The following BABAM2 variants were observed in gnomAD, a reference collection of about 807,000 sequenced individuals.
BABAM2 encodes BRISC and BRCA1-A complex member 2.
BABAM2 carries 31 observed loss-of-function variants against 54.7 expected under a neutral mutation model. The observed-to-expected ratio is 0.57, with a 90% CI of 0.43 to 0.77. The LOEUF (loss-of-function observed/expected upper bound fraction) is 0.77, where lower values mean the gene tolerates loss of function less well. Ranked by LOEUF, BABAM2 falls within the 30% of genes least tolerant of loss-of-function variation. BABAM2 has a pLI of 0.00. For synonymous variants in BABAM2, 167 were observed against 162.9 expected, an observed-to-expected ratio of 1.03 and a Z score of -0.19; for missense variants, 364 against 455.8, an observed-to-expected ratio of 0.80 and a Z score of 1.83.
chr2:28,210,433 G>T (rs1284640989), intron 7 of BABAM2, among the ~76,000 whole-genome samples: 1 of 152,138 alleles, frequency 6.6e-6, no homozygotes, highest in East Asian at 1.9e-4. Context: ...TTCCTGAAAG[G>T]CTAGGGTGTA....
chr2:28,202,855 C>T (rs1227835490), intron 7 of BABAM2, among the ~76,000 whole-genome samples: 4 of 152,114 alleles, frequency 2.6e-5, no homozygotes, highest in Admixed American at 6.6e-5. Flanking sequence ...GGATATATGC[C>T]TTGAGTGCTT....
At chr2:28,101,876 C>T (rs973404610) in intron 6 of BABAM2, among the ~76,000 whole-genome samples, 12 of 152,142 alleles carry the variant, frequency 7.9e-5, no homozygotes, top group African/African-American at 1.4e-4. Flanking sequence ...ATTTCCTTGA[C>T]TTACCCACAC....
At chr2:28,198,919 A>G (rs1677942104) in intron 7 of BABAM2, among the ~76,000 whole-genome samples, 1 of 151,582 alleles carries the variant, frequency 6.6e-6, no homozygotes, top group Non-Finnish European at 1.5e-5. Flanking sequence ...CTGTCCTCAC[A>G]AAACCTGTAA....
intron 10 of BABAM2, among the ~76,000 whole-genome samples, chr2:28,273,214 T>C (rs1685575742): frequency 6.6e-6 from 1 of 152,200 alleles, no homozygotes; most frequent in Non-Finnish European, 1.5e-5. Context: ...TGCCCGTCTC[T>C]TTTCTCCTTC....
At chr2:28,132,936 T>C (rs1670214965) in intron 7 of BABAM2, among the ~76,000 whole-genome samples, 1 of 152,178 alleles carries the variant, frequency 6.6e-6, no homozygotes, top group Non-Finnish European at 1.5e-5. Context: ...GTCTTCTAGG[T>C]GAATAAGTAG....
intron 11 of BABAM2, among the ~76,000 whole-genome samples, chr2:28,323,598 G>A (rs140224192): frequency 5.3e-5 from 8 of 152,290 alleles, no homozygotes; most frequent in Admixed American, 3.3e-4. Context: ...CCAAAGCAGC[G>A]TAGCAGAGAA....
intron 4 of BABAM2, among the ~76,000 whole-genome samples, chr2:27,994,689 C>G (rs1161071743): frequency 6.6e-6 from 1 of 152,198 alleles, no homozygotes; most frequent in Non-Finnish European, 1.5e-5. Flanking sequence ...CACAGTTTAT[C>G]CATTCTACTA....
At chr2:28,234,216 C>T in intron 7 of BABAM2, among the ~76,000 whole-genome samples, 1 of 152,034 alleles carries the variant, frequency 6.6e-6, no homozygotes, top group Non-Finnish European at 1.5e-5. Flanking sequence ...TGTAAAATTA[C>T]AGCGATACTT....
At chr2:27,960,700 A>G (rs72812514) in intron 3 of BABAM2, among the ~76,000 whole-genome samples, 4,329 of 152,272 alleles carry the variant, frequency 0.028, 102 homozygotes, top group South Asian at 0.1. Context: ...CTTTACATAT[A>G]AGACAGGACC....
chr2:28,213,360 C>T (rs747087235), intron 7 of BABAM2, among the ~76,000 whole-genome samples: 10 of 152,074 alleles, frequency 6.6e-5, no homozygotes, highest in Admixed American at 1.3e-4. Context: ...TGATCTACAG[C>T]GGTAGTTTGC....
chr2:28,048,293 T>C (rs1038282049), intron 6 of BABAM2, among the ~76,000 whole-genome samples: 1 of 152,186 alleles, frequency 6.6e-6, no homozygotes, highest in African/African-American at 2.4e-5. Flanking sequence ...TGCCCACTAA[T>C]AGAATTATTT....
At chr2:28,310,934 G>A (rs1689022943) in intron 11 of BABAM2, among the ~76,000 whole-genome samples, 1 of 151,618 alleles carries the variant, frequency 6.6e-6, no homozygotes, top group Admixed American at 6.6e-5. Flanking sequence ...GCACATCTTT[G>A]TCAGGAAAAT....
intron 10 of BABAM2, among the ~76,000 whole-genome samples, chr2:28,251,161 TC>T (rs1168822702): frequency 6.6e-6 from 1 of 152,246 alleles, no homozygotes; most frequent in Non-Finnish European, 1.5e-5. Context: ...ATCTGTTTGT[TC>T]ATTTGTTCAT....
intron 2 of BABAM2, among the ~76,000 whole-genome samples, chr2:27,918,764 C>G (rs1667157497): frequency 6.6e-6 from 1 of 152,076 alleles, no homozygotes; most frequent in South Asian, 2.1e-4. Context: ...TGATGGCTCA[C>G]TGCAGTCTTG....
intron 7 of BABAM2, among the ~76,000 whole-genome samples, chr2:28,135,606 C>G (rs1670465202): frequency 6.6e-6 from 1 of 152,140 alleles, no homozygotes; most frequent in African/African-American, 2.4e-5. Context: ...GTTGACACCT[C>G]AAATTTAAAG....
intron 10 of BABAM2, among the ~76,000 whole-genome samples, chr2:28,293,234 C>G (rs1687428421): frequency 1.3e-5 from 2 of 152,128 alleles, no homozygotes; most frequent in Admixed American, 1.3e-4. Context: ...TCCTGGGAAT[C>G]ACATGCATGG....
chr2:27,979,425 T>C (rs1001929452), intron 3 of BABAM2, among the ~76,000 whole-genome samples: 3 of 152,030 alleles, frequency 2.0e-5, no homozygotes, highest in African/African-American at 4.8e-5. Flanking sequence ...AATGAACATA[T>C]GAGTATATGT....
At chr2:28,091,331 A>G (rs1309982450) in intron 6 of BABAM2, among the ~76,000 whole-genome samples, 1 of 152,238 alleles carries the variant, frequency 6.6e-6, no homozygotes, top group African/African-American at 2.4e-5. Context: ...GTTGCAAAGT[A>G]TCTTCTGTTG....
At chr2:28,079,026 A>C (rs1385405450) in intron 6 of BABAM2, among the ~76,000 whole-genome samples, 1 of 152,202 alleles carries the variant, frequency 6.6e-6, no homozygotes. Context: ...TCAGCTGAAC[A>C]CACAAATTAA....
Sources: allele counts gnomAD v4.1 joint callset (sites outside exome capture counted in the v4.1 genomes callset), GRCh38; gene constraint gnomAD v4.1.1; transcripts MANE v1.5; gene names NCBI Gene and HGNC (gene_info 2026-07-23, HGNC 2026-07-21).